The following AKT3 variants were observed in gnomAD, a reference collection of about 807,000 sequenced individuals.
AKT3 encodes RAC-gamma serine/threonine-protein kinase.
AKT3 carries 15 observed loss-of-function variants against 65.3 expected under a neutral mutation model. The ratio of observed to expected loss-of-function variants is 0.23; its 90% CI spans 0.15 to 0.35. AKT3 has a LOEUF of 0.35. Among genes scored for constraint, AKT3 ranks in the 10% least tolerant of loss-of-function variants. The pLI is 1.00. For synonymous variants in AKT3, 206 were observed against 183.8 expected, an observed-to-expected ratio of 1.12 and a Z score of -0.98; for missense variants, 243 against 576.5, an observed-to-expected ratio of 0.42 and a Z score of 5.92.
chr1:243,519,477 C>T (rs1269507832), intron 12 of AKT3, among the ~76,000 whole-genome samples: 1 of 152,158 alleles, frequency 6.6e-6, no homozygotes, highest in Non-Finnish European at 1.5e-5. Flanking sequence ...CAATATTGGA[C>T]AGGTCAAGGG....
chr1:243,617,815 C>T (rs1368305370), intron 6 of AKT3, among the ~76,000 whole-genome samples: 1 of 151,892 alleles, frequency 6.6e-6, no homozygotes, highest in Non-Finnish European at 1.5e-5. Context: ...ACTATGGTGG[C>T]AGCGGAAAAA....
chr1:243,644,823 G>A (rs977782571), intron 5 of AKT3, among the ~76,000 whole-genome samples: 1 of 152,156 alleles, frequency 6.6e-6, no homozygotes, highest in African/African-American at 2.4e-5. Context: ...TCTCTGAGTA[G>A]GTAGGTGGGT....
chr1:243,553,892 T>C (rs908073030), intron 10 of AKT3, among the ~76,000 whole-genome samples: 3 of 152,232 alleles, frequency 2.0e-5, no homozygotes, highest in African/African-American at 7.2e-5. Context: ...TTTGATAATC[T>C]TAAAGCTTAT....
At chr1:243,574,552 C>T (rs1459935213) in intron 8 of AKT3, among the ~76,000 whole-genome samples, 1 of 152,036 alleles carries the variant, frequency 6.6e-6, no homozygotes, top group Non-Finnish European at 1.5e-5. Context: ...AAAAGGCATT[C>T]TGATTACAGA....
chr1:243,498,194 G>C (rs180906187), downstream of AKT3, among the ~76,000 whole-genome samples: 1 of 152,152 alleles, frequency 6.6e-6, no homozygotes, highest in African/African-American at 2.4e-5. Context: ...CTGGCCTGGA[G>C]GGCACGTCAG....
rs116618018 is a variant in AKT3, at chr1:243,539,256, C to T, written c.1251+6254G>A. ...CTCAGCCTACTTAACATGAAGACAACGAGGAGGAAGACCTTTACGATAATC... is the reference window on the plus strand; with the variant it reads ...CTCAGCCTACTTAACATGAAGACAATGAGGAGGAAGACCTTTACGATAATC... On this transcript the variant is annotated intron_variant, in intron 12 of 13. Coordinates refer to ENST00000673466, the MANE Select transcript of AKT3 (RefSeq NM_005465.7). 8.3e-3 allele frequency among the ~76,000 whole-genome samples: 1,266 copies of T among 152,180 alleles called. 27 individuals are homozygous for T. The highest frequency in any genetic ancestry group is 0.028 in the African/African-American group (1,177 of 41,510).
intron 2 of AKT3, among the ~76,000 whole-genome samples, chr1:243,764,203 A>C (rs1176266521): frequency 6.6e-6 from 1 of 152,146 alleles, no homozygotes; most frequent in Non-Finnish European, 1.5e-5. Context: ...GTGTTAAGAT[A>C]CTATTTTAAT....
In AKT3 at chr1:243,635,904, T is replaced by C. The variant is rs1472992001; in HGVS notation, c.561+1707A>G. ...TTAATCATCTTGCTATAAATGAGCA[T>C]ATTTTCTTTCAAGAAACGATAAATA... is the stretch of plus-strand genomic sequence containing the variant. On this transcript the variant is annotated intron_variant, in intron 6 of 13. Coordinates refer to ENST00000673466, the MANE Select transcript of AKT3 (RefSeq NM_005465.7). Among the ~76,000 whole-genome samples the C allele has an allele frequency of 2.6e-5, 4 of 152,076 alleles. No homozygotes were observed. In the East Asian group the frequency reaches 5.8e-4, roughly 22 times the overall value.
intron 2 of AKT3, among the ~76,000 whole-genome samples, chr1:243,711,891 C>A (rs988346998): frequency 5.9e-5 from 9 of 152,026 alleles, no homozygotes; most frequent in African/African-American, 2.2e-4. Context: ...GTATACTTGC[C>A]TGTACTACTA....
At chr1:243,626,619 G>A (rs577467804) in intron 6 of AKT3, among the ~76,000 whole-genome samples, 2 of 152,082 alleles carry the variant, frequency 1.3e-5, no homozygotes, top group Admixed American at 6.5e-5. Flanking sequence ...ATGCACACCT[G>A]TAGGTACAAT....
chr1:243,842,594 A>G (rs570786705), intron 2 of AKT3, among the ~76,000 whole-genome samples: 31 of 152,318 alleles, frequency 2.0e-4, no homozygotes, highest in South Asian at 8.3e-4. Flanking sequence ...ATAAACATAC[A>G]CACACAAAAA....
chr1:243,672,073 A>G (rs1433535201), intron 3 of AKT3, among the ~76,000 whole-genome samples: 2 of 152,180 alleles, frequency 1.3e-5, no homozygotes, highest in Non-Finnish European at 2.9e-5. Flanking sequence ...TTCAACTGAT[A>G]ACAGTGTTTG....
chr1:243,631,587 C>T (rs568054322), intron 6 of AKT3, among the ~76,000 whole-genome samples: 18 of 152,184 alleles, frequency 1.2e-4, no homozygotes, highest in Non-Finnish European at 2.6e-4. Context: ...CCATGCCCAG[C>T]GTGGCAATTT....
intron 2 of AKT3, among the ~76,000 whole-genome samples, chr1:243,745,740 A>G (rs1688439640): frequency 6.6e-6 from 1 of 152,170 alleles, no homozygotes; most frequent in South Asian, 2.1e-4. Context: ...TCCTCTTCCA[A>G]TGTGTCCCAG....
rs532083000 is a variant in AKT3, at chr1:243,661,429, A to G, written c.284+3343T>C. Among the ~76,000 whole-genome samples the G allele has an allele frequency of 7.2e-5, 11 of 152,118 alleles. No individual in the cohort carries two copies. In the East Asian group the frequency reaches 2.1e-3, roughly 29 times the overall value. ...ATCTACAACTATCTGATCTTTGACA[A>G]ACCTGAGAAAAACAAGCAATGGGGA... On this transcript the variant is annotated intron_variant, in intron 4 of 13. Transcript: ENST00000673466.
intron 6 of AKT3, chr1:243,625,122 GTGTTTTT>G: frequency 8.2e-6 from 1 of 122,324 alleles, no homozygotes; most frequent in Non-Finnish European, 1.5e-5. Flanking sequence ...ACTGCAGTTT[GTGTTTTT>G]TTTTTTTTTT....
At chr1:243,499,187 C>T (rs894413412), downstream of AKT3, among the ~76,000 whole-genome samples, 2 of 152,184 alleles carry the variant, frequency 1.3e-5, no homozygotes, top group African/African-American at 2.4e-5. Context: ...TTTGTATCTG[C>T]GTAAAACTAA....
rs1466184688 is a variant in AKT3, at chr1:243,715,867, C to T, written c.47-20151G>A. On this transcript the variant is annotated intron_variant, in intron 2 of 13. Transcript: ENST00000673466. ...GGATATGTGTGTACACTGAATACTCCATTTAGTGATAATACTTAGGGTAAA... is the reference window on the plus strand; with the variant it reads ...GGATATGTGTGTACACTGAATACTCTATTTAGTGATAATACTTAGGGTAAA... Among the ~76,000 whole-genome samples the T allele has an allele frequency of 4.0e-4, 61 of 152,028 alleles. No individual in the cohort carries two copies. In the South Asian group the frequency reaches 0.012, roughly 29 times the overall value.
At chr1:243,709,790 C>A (rs1686033005) in intron 2 of AKT3, among the ~76,000 whole-genome samples, 1 of 151,984 alleles carries the variant, frequency 6.6e-6, no homozygotes, top group African/African-American at 2.4e-5. Flanking sequence ...GAAACAACAA[C>A]TGCTGTTCTA....
Sources: gnomAD v4.1 joint callset for allele counts (sites outside exome capture counted in the v4.1 genomes callset) on GRCh38, gnomAD v4.1.1 for gene constraint, MANE v1.5 for transcripts, NCBI Gene and HGNC (gene_info 2026-07-23, HGNC 2026-07-21) for gene names.